Variants in OTOF observed in about 807,000 individuals in gnomAD.
OTOF encodes the protein otoferlin, also known as fer-1-like family member 2.
OTOF carries 218 observed loss-of-function variants against 236.8 expected under a neutral mutation model. That is an observed-to-expected ratio of 0.92 (90% CI 0.82 to 1.03). The LOEUF is 1.03. Among genes scored for constraint, OTOF ranks in the 50% least tolerant of loss-of-function variants. The pLI, the probability that OTOF is intolerant of heterozygous loss-of-function variation, is 0.00. For missense variants in OTOF, 2,590 were observed against 2,694.4 expected (o/e 0.96, Z 0.86); for synonymous variants, 1,041 against 1,072.5 (o/e 0.97, Z 0.57).
chr2:26,551,848 G>A (rs939726199), intron 1 of OTOF, among the ~76,000 whole-genome samples: 1 of 152,160 alleles, frequency 6.6e-6, no homozygotes, highest in African/African-American at 2.4e-5. Flanking sequence ...AAATGACAAA[G>A]TATGTGGTAT....
chr2:26,534,510 G>A (rs1667021689), intron 2 of OTOF, among the ~76,000 whole-genome samples: 1 of 152,118 alleles, frequency 6.6e-6, no homozygotes, highest in East Asian at 1.9e-4. Context: ...TTCTTCCATG[G>A]CATCCTCCTC....
intron 17 of OTOF, 27 bp from the exon 18 acceptor site, chr2:26,479,411 G>T (rs1186277040): frequency 1.9e-6 from 3 of 1,610,596 alleles, no homozygotes; most frequent in Middle Eastern, 1.7e-4. Flanking sequence ...CGGGAGGTGA[G>T]GTCTTGGGGG....
Position 26,460,245 on chromosome 2 carries a change from G to A in OTOF, c.5814-40C>T. ...GTAGAGAGCGCAGAGGAGGGACAGG[G>A]AGGAGAAGGGATTGGGTGTGGCGAG... On this transcript the variant is annotated intron_variant, in intron 45 of 46. Coordinates refer to ENST00000272371, the MANE Select transcript of OTOF (RefSeq NM_194248.3). The surrounding 1 kb of genome is among the most constrained non-coding windows in gnomAD (Gnocchi z 5.3). The A allele has an allele frequency of 6.6e-7, 1 of 1,525,932 alleles. No homozygotes were observed. The highest frequency in any genetic ancestry group is 9.0e-7 in the Non-Finnish European group (1 of 1,116,460). The allele number at this position is 1,525,932 out of a possible 1,614,324, so 94.5% of individuals were successfully genotyped here. A position where few individuals can be genotyped will look rare whatever the true frequency, so the allele number is the denominator to read the frequency against.
chr2:26,519,191 T>A (rs933331927), intron 3 of OTOF, 82 bp from the exon 4 acceptor site: 3 of 963,178 alleles, frequency 3.1e-6, no homozygotes, highest in Non-Finnish European at 4.9e-6. Context: ...GGGCTGTGAC[T>A]GCTTGGGGAG....
At chr2:26,553,120 G>A (rs1403942303) in intron 1 of OTOF, among the ~76,000 whole-genome samples, 1 of 152,200 alleles carries the variant, frequency 6.6e-6, no homozygotes. Flanking sequence ...GCAGCCAACA[G>A]TAGGGGGACA....
chr2:26,474,665 C>T lies in OTOF; in HGVS notation c.3136G>A (p.Asp1046Asn), dbSNP rs537119349. 1 of 1,613,278 alleles carries T rather than the reference C, an allele frequency of 6.2e-7. No individual in the cohort carries two copies. The highest frequency in any genetic ancestry group is 2.2e-5 in the East Asian group (1 of 44,880). Reference protein sequence around the residue: ...IYDQDSMGKADFMGRTFAKPL... With the variant: ...IYDQDSMGKANFMGRTFAKPL... ...TTGGCGAAGGTCCGGCCCATGAAGT[C>T]AGCTTTGCCCTGACGCAACAGACAA... is the stretch of plus-strand genomic sequence containing the variant. Residue 1046 changes from aspartate (D) to asparagine (N), a missense_variant, in exon 26 of 47, where the codon GAC (aspartate) becomes AAC (asparagine). By Grantham distance (23) the Asp-to-Asn change is conservative. Transcript: ENST00000272371.
Position 26,477,439 on chromosome 2 carries a change from G to C in OTOF, c.2383C>G (p.Leu795Val). ...SSRTRLDRERLKSCMRELENM... is the reference protein window; with the variant it reads ...SSRTRLDRERVKSCMRELENM... ...ACCAGCTCCCTCATGCAGGACTTGA[G>C]GCGCTCCCGGTCAAGCCTGGTGCGG... Residue 795 changes from leucine to valine, a missense_variant, in exon 20 of 47, where the codon CTC becomes GTC. Transcript: ENST00000272371. The surrounding 1 kb of genome is among the most constrained non-coding windows in gnomAD (Gnocchi z 4.7). 6.3e-7 allele frequency: 1 copy of C among 1,596,106 alleles called. No homozygotes were observed. Among genetic ancestry groups the C allele is most frequent in the Non-Finnish European group, 8.5e-7 (1 of 1,171,946 alleles).
In OTOF at chr2:26,477,472, G is replaced by T. The variant is rs1186383095; in HGVS notation, c.2350C>A (p.His784Asn). 2 of 1,603,916 alleles carry T rather than the reference G, an allele frequency of 1.2e-6. No individual in the cohort carries two copies. The highest frequency in any genetic ancestry group is 8.5e-7 in the Non-Finnish European group (1 of 1,176,062). The change falls in exon 20 of 47, where the codon CAC becomes AAC. Residue 784 changes from histidine (H) to asparagine (N), a missense_variant. Around this residue, in one of 2 missense-constraint regions of OTOF, gnomAD observed 1,379 missense variants for 1,341.6 expected, o/e 1.03. Coordinates refer to ENST00000272371, the MANE Select transcript of OTOF (RefSeq NM_194248.3). The surrounding 1 kb of genome is among the most constrained non-coding windows in gnomAD (Gnocchi z 4.7). ...FLSLADKDQG[H>N]SSRTRLDRER... ...CGGTCAAGCCTGGTGCGGGATGAGT[G>T]GCCCTGGTCCTTGTCAGCGAGGGAG...
At chr2:26,511,607 C>T (rs1253361607) in intron 5 of OTOF, among the ~76,000 whole-genome samples, 1 of 152,236 alleles carries the variant, frequency 6.6e-6, no homozygotes, top group Non-Finnish European at 1.5e-5. Flanking sequence ...CCAGCGCTGG[C>T]CAGCTAACCT....
intron 1 of OTOF, among the ~76,000 whole-genome samples, chr2:26,557,081 G>A (rs761555198): frequency 1.4e-4 from 21 of 152,160 alleles, no homozygotes; most frequent in African/African-American, 1.2e-4. Context: ...CAGGGCCACT[G>A]CCATCACCTC....
In OTOF at chr2:26,537,775, C is replaced by T. The variant is rs1667109886; in HGVS notation, c.80-1G>A. The T allele has an allele frequency of 1.3e-6, 2 of 1,552,588 alleles. No individual in the cohort carries two copies. Among genetic ancestry groups the T allele is most frequent in the Non-Finnish European group, 1.7e-6 (2 of 1,146,980 alleles). On this transcript the variant is annotated splice_acceptor_variant, in intron 1 of 46. Coordinates refer to ENST00000272371, the MANE Select transcript of OTOF (RefSeq NM_194248.3). LOFTEE classifies it high-confidence loss of function. ...AGGACCCGAGAGTAGAAGGATTGCCCTGTGGGGAAAGAGGAAATAAATTCT... is the reference window on the plus strand; with the variant it reads ...AGGACCCGAGAGTAGAAGGATTGCCTTGTGGGGAAAGAGGAAATAAATTCT...
chr2:26,514,011 T>C (rs1189628957), intron 5 of OTOF, among the ~76,000 whole-genome samples: 1 of 152,194 alleles, frequency 6.6e-6, no homozygotes, highest in Admixed American at 6.5e-5. Flanking sequence ...AGGATTAAGC[T>C]ACAGGAAAAC....
At chr2:26,546,306 C>CAAA (rs1667331223) in intron 1 of OTOF, among the ~76,000 whole-genome samples, 1 of 151,930 alleles carries the variant, frequency 6.6e-6, no homozygotes, top group Non-Finnish European at 1.5e-5. Flanking sequence ...ACTGAAAATA[C>CAAA]AAAAATTAGC....
At chr2:26,478,072 AG>A (rs1223546177) in intron 18 of OTOF, 25 of 1,419,820 alleles carry the variant, frequency 1.8e-5, no homozygotes, top group South Asian at 1.6e-4. Context: ...CCAGAGACAG[AG>A]GGAAACCCTA....
At position 26,479,563 on chromosome 2, in the gene OTOF, A is replaced by T. The variant is rs1454848005; in HGVS notation, c.2003T>A (p.Ile668Asn). Residue 668 changes from isoleucine to asparagine, a missense_variant, in exon 17 of 47, where the codon ATT becomes AAT. Physicochemically the swap from Ile to Asn is moderately radical, Grantham distance 149 (BLOSUM62 -3). This residue lies in a region of OTOF where 1,379 missense variants were observed against 1,341.6 expected (regional missense o/e 1.03). Transcript: ENST00000272371. ...EPGDEEEVDL[I>N]QNASDDEAGD... ...GGCCTCGTCATCACTTGCGTTCTGA[A>T]TCAGGTCTACTTCTTCCTCATCCCC... 1.9e-6 allele frequency: 3 copies of T among 1,612,642 alleles called. No homozygotes were observed. In the South Asian group the frequency reaches 3.3e-5, roughly 18 times the overall value.
chr2:26,459,674 T>C (rs998946529), intron 46 of OTOF, among the ~76,000 whole-genome samples: 18 of 152,144 alleles, frequency 1.2e-4, no homozygotes, highest in African/African-American at 4.3e-4. Context: ...GTCCCGGCTC[T>C]ACCCTAATTT....
At chr2:26,535,505 C>T (rs1373456952) in intron 2 of OTOF, among the ~76,000 whole-genome samples, 1 of 152,122 alleles carries the variant, frequency 6.6e-6, no homozygotes, top group East Asian at 1.9e-4. Context: ...TGCCAGTAGG[C>T]TCCTCATTGC....
In OTOF at chr2:26,460,082, G is replaced by A. The variant is rs371591669; in HGVS notation, c.5937C>T (p.Leu1979=). The A allele has an allele frequency of 8.9e-6, 14 of 1,575,856 alleles. No individual in the cohort carries two copies. The highest frequency in any genetic ancestry group is 7.0e-5 in the South Asian group (6 of 85,984). ...LLLLLLLLLL[L]ALFLYSVPGY... ...CAGGCACAGAGTAGAGGAACAGGGC[G>A]AGGAGGAGGAGCAGCAGCAGGAGCA... Residue 1979 remains leucine (L), a synonymous_variant, in exon 46 of 47, where the codon CTC becomes CTT. Transcript: ENST00000272371. This position sits in a 1 kb window ranked among gnomAD's most constrained non-coding sequence, Gnocchi z 5.3.
At chr2:26,523,578 T>C (rs572708122) in intron 3 of OTOF, among the ~76,000 whole-genome samples, 2 of 152,290 alleles carry the variant, frequency 1.3e-5, no homozygotes, top group African/African-American at 4.8e-5. Context: ...CACCCTTGAG[T>C]GCCCTGAGTC....
Sources: gnomAD v4.1 joint callset for allele counts (sites outside exome capture counted in the v4.1 genomes callset) on GRCh38, gnomAD v4.1.1 for gene constraint, gnomAD v4.1.1 regional missense constraint, Gnocchi (gnomAD v3.1) non-coding constraint, MANE v1.5 for transcripts, NCBI Gene and HGNC (gene_info 2026-07-23, HGNC 2026-07-21) for gene names.